CDYL2: variants seen among roughly 807,000 people sequenced by gnomAD.
The protein encoded by CDYL2 is chromodomain Y-like protein 2.
CDYL2 carries 23 observed loss-of-function variants against 49.4 expected under a neutral mutation model. That is an observed-to-expected ratio of 0.47 (90% CI 0.34 to 0.66). CDYL2 has a LOEUF of 0.66. CDYL2 is among the 30% of genes least tolerant of loss of function. The pLI is 0.01. For missense variants in CDYL2, 678 were observed against 656.4 expected, an observed-to-expected ratio of 1.03 and a Z score of -0.36; for synonymous variants, 360 against 268.8, an observed-to-expected ratio of 1.34 and a Z score of -3.32.
At chr16:80,637,510 A>G (rs1907890614) in intron 2 of CDYL2, among the ~76,000 whole-genome samples, 1 of 152,224 alleles carries the variant, frequency 6.6e-6, no homozygotes, top group Non-Finnish European at 1.5e-5. Context: ...AGTACGAAAG[A>G]ACTGGATTAA....
intron 2 of CDYL2, among the ~76,000 whole-genome samples, chr16:80,682,542 G>A (rs756348652): frequency 3.3e-5 from 5 of 152,200 alleles, no homozygotes; most frequent in East Asian, 1.9e-4. Context: ...ACCCCTCTAT[G>A]AGTCTGGCTT....
rs10163453 is a variant in CDYL2, at chr16:80,650,074, C to T, written c.617-16838G>A. 8.1e-3 allele frequency among the ~76,000 whole-genome samples: 1,227 copies of T among 152,136 alleles called. 18 individuals carry two copies. The highest frequency in any genetic ancestry group is 0.028 in the African/African-American group (1,169 of 41,520). On this transcript the variant is annotated intron_variant, in intron 2 of 6. Coordinates refer to ENST00000570137, the MANE Select transcript of CDYL2 (RefSeq NM_152342.4). ...TTGGTCTACGCAAAAATTTCCTGAG[C>T]AATACCCTACAAGCACAGGCAACCA...
intron 2 of CDYL2, among the ~76,000 whole-genome samples, chr16:80,672,350 C>G (rs200669760): frequency 0.014 from 1,429 of 103,790 alleles, 15 homozygotes; most frequent in South Asian, 0.019. Flanking sequence ...CACACACACA[C>G]ACAGAGAGAG....
Position 80,611,095 on chromosome 16 carries a change from G to C in CDYL2, c.1218+1531C>G, listed in dbSNP as rs73590420. Among the ~76,000 whole-genome samples the C allele has an allele frequency of 5.8e-3, 878 of 152,266 alleles. 8 individuals carry two copies. Among genetic ancestry groups the C allele is most frequent in the African/African-American group, 0.021 (852 of 41,540 alleles). ...CTGTTCTTCCCTTCATGCATCCTCTGCCTGGAATTCTTGCGTCTGTTCAAA... is the reference window on the plus strand; with the variant it reads ...CTGTTCTTCCCTTCATGCATCCTCTCCCTGGAATTCTTGCGTCTGTTCAAA... On this transcript the variant is annotated intron_variant, in intron 5 of 6. Coordinates refer to ENST00000570137, the MANE Select transcript of CDYL2 (RefSeq NM_152342.4).
chr16:80,622,905 A>C (rs1907145459), intron 3 of CDYL2, among the ~76,000 whole-genome samples: 1 of 152,166 alleles, frequency 6.6e-6, no homozygotes, highest in East Asian at 1.9e-4. Flanking sequence ...GCACTTGCCC[A>C]TGAGTACTTG....
At chr16:80,710,060 T>A (rs546609291) in intron 1 of CDYL2, among the ~76,000 whole-genome samples, 82 of 152,230 alleles carry the variant, frequency 5.4e-4, no homozygotes, top group Non-Finnish European at 1.0e-3. Context: ...CCTGAGTAGC[T>A]GGGATTACAG....
At chr16:80,748,122 A>T (rs1019016676) in intron 1 of CDYL2, among the ~76,000 whole-genome samples, 2 of 136,018 alleles carry the variant, frequency 1.5e-5, no homozygotes, top group African/African-American at 5.4e-5. Flanking sequence ...TGGGAAGATT[A>T]AATAATAATA....
chr16:80,684,472 G>A (rs370354110), intron 2 of CDYL2, 66 bp downstream of exon 2: 5 of 1,474,016 alleles, frequency 3.4e-6, no homozygotes, highest in East Asian at 4.5e-5. Flanking sequence ...ATGTCCCTAG[G>A]CTACAGGCAG....
intron 1 of CDYL2, among the ~76,000 whole-genome samples, chr16:80,757,664 TTATA>T (rs2142378883): frequency 6.6e-6 from 1 of 151,914 alleles, no homozygotes; most frequent in East Asian, 1.9e-4. Context: ...ATTTGACATT[TTATA>T]TATTTAACAG....
At chr16:80,758,916 G>A (rs2142380289) in intron 1 of CDYL2, among the ~76,000 whole-genome samples, 1 of 151,646 alleles carries the variant, frequency 6.6e-6, no homozygotes, top group South Asian at 2.1e-4. Context: ...GGAAATCACA[G>A]TACCTCTGGG....
intron 2 of CDYL2, among the ~76,000 whole-genome samples, chr16:80,668,847 C>T (rs956055109): frequency 6.6e-6 from 1 of 151,774 alleles, no homozygotes; most frequent in Admixed American, 6.6e-5. Flanking sequence ...TGCAGTGAGC[C>T]GAGATCACCC....
At chr16:80,621,503 CCT>C (rs1196804733) in intron 3 of CDYL2, among the ~76,000 whole-genome samples, 1 of 152,224 alleles carries the variant, frequency 6.6e-6, no homozygotes, top group Non-Finnish European at 1.5e-5. Context: ...TGGCTCTGCA[CCT>C]TACTAGCCAT....
Position 80,715,835 on chromosome 16 carries a change from C to A in CDYL2, c.25-30706G>T, listed in dbSNP as rs116087017. 9.2e-3 allele frequency among the ~76,000 whole-genome samples: 1,395 copies of A among 152,304 alleles called. 22 individuals are homozygous for A. The highest frequency in any genetic ancestry group is 0.032 in the African/African-American group (1,317 of 41,554). ...GAATCATCCATGGCCCCAAACCTCA[C>A]CTCAGTGCCTGGCCCTTGTGCCCTG... On this transcript the variant is annotated intron_variant, in intron 1 of 6. Transcript: ENST00000570137.
At chr16:80,637,379 T>A (rs1400465051) in intron 2 of CDYL2, among the ~76,000 whole-genome samples, 1 of 152,112 alleles carries the variant, frequency 6.6e-6, no homozygotes, top group Non-Finnish European at 1.5e-5. Context: ...TTTTTCAATA[T>A]CACACTGAGA....
At chr16:80,656,216 A>G (rs996632580) in intron 2 of CDYL2, among the ~76,000 whole-genome samples, 2 of 152,222 alleles carry the variant, frequency 1.3e-5, no homozygotes, top group Non-Finnish European at 2.9e-5. Context: ...CACTTCTCCA[A>G]TGTCAGCTGG....
intron 4 of CDYL2, among the ~76,000 whole-genome samples, chr16:80,615,055 T>C (rs1237582460): frequency 1.3e-5 from 2 of 152,112 alleles, no homozygotes; most frequent in East Asian, 1.9e-4. Flanking sequence ...TAAGTCATCA[T>C]AAAAGTACGT....
chr16:80,739,964 T>C (rs1226538402), intron 1 of CDYL2, among the ~76,000 whole-genome samples: 1 of 152,154 alleles, frequency 6.6e-6, no homozygotes, highest in Non-Finnish European at 1.5e-5. Context: ...ATGAAACGAC[T>C]TGGGGGCAAT....
At chr16:80,610,117 A>C (rs1304230079) in intron 5 of CDYL2, among the ~76,000 whole-genome samples, 1 of 152,182 alleles carries the variant, frequency 6.6e-6, no homozygotes, top group Non-Finnish European at 1.5e-5. Context: ...AAACAGAACA[A>C]GGGGGAATAT....
intron 1 of CDYL2, among the ~76,000 whole-genome samples, chr16:80,760,182 T>C (rs573908920): frequency 3.9e-5 from 6 of 152,352 alleles, no homozygotes; most frequent in Admixed American, 3.9e-4. Context: ...TAATCTATTG[T>C]GCGAGGCAAG....
Sources: gnomAD v4.1 joint callset for allele counts (sites outside exome capture counted in the v4.1 genomes callset) on GRCh38, gnomAD v4.1.1 for gene constraint, MANE v1.5 for transcripts, NCBI Gene and HGNC (gene_info 2026-07-23, HGNC 2026-07-21) for gene names.